COPS2: variants seen among roughly 807,000 people sequenced by gnomAD.
The protein encoded by COPS2 is COP9 signalosome subunit 2.
In COPS2, 10 loss-of-function variants were observed where a neutral mutation model predicts 66.1. That is an observed-to-expected ratio of 0.15 (90% CI 0.09 to 0.26). The LOEUF is 0.26. Among genes scored for constraint, COPS2 ranks in the 10% least tolerant of loss-of-function variants. COPS2 has a pLI of 1.00. For missense variants in COPS2, 215 were observed against 513.3 expected (o/e 0.42, Z 5.62); for synonymous variants, 179 against 171.3 (o/e 1.04, Z -0.35).
Position 49,130,242 on chromosome 15 carries a change from G to T in COPS2, c.1045+477C>A, listed in dbSNP as rs139042874. Among the ~76,000 whole-genome samples the T allele has an allele frequency of 5.6e-3, 854 of 152,218 alleles. 6 individuals carry two copies. The highest frequency in any genetic ancestry group is 0.02 in the African/African-American group (811 of 41,552). ...GAAGTCCAAGAGCAAAGAGATGATT[G>T]TAGTCTTTGGTAATTCAATATAACT... On this transcript the variant is annotated intron_variant, in intron 10 of 12. Transcript: ENST00000388901.
chr15:49,155,454 C>T, intron 1 of COPS2, 71 bp downstream of exon 1: 2 of 1,454,730 alleles, frequency 1.4e-6, no homozygotes, highest in East Asian at 4.5e-5. Context: ...GGAGAGGCCG[C>T]GGGCGCCCCG....
rs557819965 is a variant in COPS2 at position 49,133,898 on chromosome 15, A to G, written c.894+32T>C. On this transcript the variant is annotated intron_variant, in intron 8 of 12. Coordinates refer to ENST00000388901, the MANE Select transcript of COPS2 (RefSeq NM_004236.4). Reference sequence around the variant, plus strand: ...AATAACATTTATTTCCAGATAGCTGATAAGAGAAATTAACAATTAAAACAC... The same window carrying G: ...AATAACATTTATTTCCAGATAGCTGGTAAGAGAAATTAACAATTAAAACAC... The G allele has an allele frequency of 2.6e-6, 4 of 1,568,240 alleles. No homozygotes were observed. In the African/African-American group the frequency reaches 4.1e-5, roughly 16 times the overall value.
chr15:49,127,756 G>A lies in COPS2; in HGVS notation c.*194C>T. ...TCCCATGGTATTTTGGTTTTCTTCT[G>A]GAGATTAAAGCTGTTTTTCTTGGGA... is the stretch of plus-strand genomic sequence containing the variant. On this transcript the variant is annotated 3_prime_UTR_variant, in exon 13 of 13. Coordinates refer to ENST00000388901, the MANE Select transcript of COPS2 (RefSeq NM_004236.4). 1.8e-6 allele frequency: 1 copy of A among 550,852 alleles called. No homozygotes were observed. The allele number at this position is 550,852 out of a possible 1,614,324, so 34.1% of individuals were successfully genotyped here.
chr15:49,144,623 T>A (rs2084309425), intron 2 of COPS2, among the ~76,000 whole-genome samples: 1 of 152,162 alleles, frequency 6.6e-6, no homozygotes, highest in Non-Finnish European at 1.5e-5. Flanking sequence ...TATCAGTAAG[T>A]CAAGAAATCA....
chr15:49,141,873 T>A (rs2084291811), intron 3 of COPS2, among the ~76,000 whole-genome samples: 1 of 152,130 alleles, frequency 6.6e-6, no homozygotes, highest in African/African-American at 2.4e-5. Context: ...CAAAACCAAG[T>A]CTTAAGGGTA....
At chr15:49,141,976 C>A (rs1208453169) in intron 3 of COPS2, among the ~76,000 whole-genome samples, 1 of 152,144 alleles carries the variant, frequency 6.6e-6, no homozygotes, top group Non-Finnish European at 1.5e-5. Flanking sequence ...ATCACAGAAC[C>A]TACGAGTTAA....
chr15:49,135,924 C>T (rs990522138), intron 6 of COPS2, among the ~76,000 whole-genome samples: 1 of 152,134 alleles, frequency 6.6e-6, no homozygotes, highest in Non-Finnish European at 1.5e-5. Flanking sequence ...TCCTTATATA[C>T]ATACTGAAAG....
rs2084171532 is a variant in COPS2, at chr15:49,126,959, G to A, written c.*991C>T. 6.6e-6 allele frequency: 1 copy of A among 152,102 alleles called. No individual in the cohort carries two copies. Among genetic ancestry groups the A allele is most frequent in the African/African-American group, 2.4e-5 (1 of 41,428 alleles). The allele number at this position is 152,102 out of a possible 1,614,324, so 9.4% of individuals were successfully genotyped here. A position where few individuals can be genotyped will look rare whatever the true frequency, so the allele number is the denominator to read the frequency against. On this transcript the variant is annotated 3_prime_UTR_variant, in exon 13 of 13. Coordinates refer to ENST00000388901, the MANE Select transcript of COPS2 (RefSeq NM_004236.4). ...GTAAACTCAGCAGGTTTTGGGCAAT[G>A]GTAGATTGCTGGCATTAGGAAATAA... is the stretch of plus-strand genomic sequence containing the variant.
At chr15:49,136,345 G>A (rs1187268726) in intron 6 of COPS2, among the ~76,000 whole-genome samples, 1 of 152,140 alleles carries the variant, frequency 6.6e-6, no homozygotes, top group Admixed American at 6.5e-5. Context: ...AAAAGTTATA[G>A]AGCCATTCTG....
chr15:49,133,232 C>T (rs1031512604), intron 9 of COPS2, among the ~76,000 whole-genome samples: 1 of 152,182 alleles, frequency 6.6e-6, no homozygotes, highest in African/African-American at 2.4e-5. Context: ...TTGTGATCCA[C>T]CCGCCTTGGC....
chr15:49,149,182 T>G (rs2084341910), intron 1 of COPS2, among the ~76,000 whole-genome samples: 1 of 152,212 alleles, frequency 6.6e-6, no homozygotes, highest in Non-Finnish European at 1.5e-5. Context: ...ACTCATGTCC[T>G]GTTATTTCCC....
chr15:49,155,350 G>A (rs1185962392), intron 1 of COPS2, among the ~76,000 whole-genome samples, 175 bp downstream of exon 1: 1 of 152,202 alleles, frequency 6.6e-6, no homozygotes, highest in East Asian at 1.9e-4. Flanking sequence ...CCATGCTGGA[G>A]AAGCAGGGCC....
intron 1 of COPS2, among the ~76,000 whole-genome samples, chr15:49,146,521 C>T (rs2084322065): frequency 6.6e-6 from 1 of 151,964 alleles, no homozygotes; most frequent in South Asian, 2.1e-4. Context: ...GGAAGTTTGC[C>T]CACTAGACAA....
At chr15:49,138,034 T>C (rs911045416) in intron 4 of COPS2, among the ~76,000 whole-genome samples, 1 of 152,222 alleles carries the variant, frequency 6.6e-6, no homozygotes, top group African/African-American at 2.4e-5. Context: ...AATTCTTCTA[T>C]AAATATGACT....
At chr15:49,138,355 C>T (rs2084268000) in intron 4 of COPS2, among the ~76,000 whole-genome samples, 2 of 152,064 alleles carry the variant, frequency 1.3e-5, no homozygotes, top group African/African-American at 4.8e-5. Context: ...CTGCTGATGG[C>T]ATATTGAATA....
rs2084134918 is a variant in COPS2 at position 49,122,736 on chromosome 15, T to C, written c.*5214A>G. The C allele has an allele frequency of 1.3e-5, 2 of 152,222 alleles. No individual in the cohort carries two copies. Among genetic ancestry groups the C allele is most frequent in the African/African-American group, 4.8e-5 (2 of 41,450 alleles). The allele number at this position is 152,222 out of a possible 1,614,324, so 9.4% of individuals were successfully genotyped here. ...GTAAATACTTAAGAAGTAGATTACG[T>C]ATTTTTTATTACCAATAAGGAATGT... On this transcript the variant is annotated 3_prime_UTR_variant, in exon 13 of 13. Coordinates refer to ENST00000388901, the MANE Select transcript of COPS2 (RefSeq NM_004236.4).
At chr15:49,153,616 A>T (rs2084377573) in intron 1 of COPS2, among the ~76,000 whole-genome samples, 1 of 152,232 alleles carries the variant, frequency 6.6e-6, no homozygotes, top group African/African-American at 2.4e-5. Flanking sequence ...ATTATTCATA[A>T]CAGCAAAGAC....
chr15:49,128,596 A>C, intron 12 of COPS2, 106 bp downstream of exon 12: 2 of 735,208 alleles, frequency 2.7e-6, no homozygotes, highest in Non-Finnish European at 4.5e-6. Flanking sequence ...ACCATACCCA[A>C]GGGTGCTTTT....
chr15:49,131,807 G>A (rs934177225), intron 9 of COPS2, among the ~76,000 whole-genome samples: 4 of 151,984 alleles, frequency 2.6e-5, no homozygotes, highest in Admixed American at 6.6e-5. Flanking sequence ...TATTTTAACC[G>A]TAAGACATTC....
Sources: allele counts gnomAD v4.1 joint callset (sites outside exome capture counted in the v4.1 genomes callset), GRCh38; gene constraint gnomAD v4.1.1; transcripts MANE v1.5; gene names NCBI Gene and HGNC (gene_info 2026-07-23, HGNC 2026-07-21).